The following HIVEP3 variants were observed in gnomAD, a reference collection of about 807,000 sequenced individuals.
HIVEP3 encodes HIVEP zinc finger 3.
Under a neutral mutation model 152.8 loss-of-function variants are expected in HIVEP3, and 49 were observed. The ratio of observed to expected loss-of-function variants is 0.32; its 90% CI spans 0.26 to 0.41. The LOEUF is 0.41. Ranked by LOEUF, HIVEP3 falls within the 10% of genes least tolerant of loss-of-function variation. The pLI is 1.00. For synonymous variants in HIVEP3, 1,269 were observed against 1,289.0 expected (o/e 0.98, Z 0.33); for missense variants, 2,790 against 3,103.3 (o/e 0.90, Z 2.40).
At chr1:41,932,960 C>A (rs1645002708) in intron 1 of HIVEP3, among the ~76,000 whole-genome samples, 1 of 151,868 alleles carries the variant, frequency 6.6e-6, no homozygotes, top group South Asian at 2.1e-4. Context: ...GTTGTTTCAT[C>A]TCCATACATT....
At position 41,510,489 on chromosome 1, in the gene HIVEP3, GA is replaced by G; in HGVS notation, c.7182del (p.Pro2395HisfsTer87). On this transcript the variant is annotated frameshift_variant, in exon 9 of 9. Transcript: ENST00000372583. LOFTEE classifies it high-confidence loss of function. ...KPSGSGEPRA[H>X]PHQPEDRVPP... is the part of the protein sequence containing the mutation. ...GGAACCCTGTCCTCAGGCTGATGTG[GA>G]TGTGCCCTGGGCTCCCCACTTCCTG... 6.3e-7 allele frequency: 1 copy of G among 1,577,404 alleles called. No homozygotes were observed. The highest frequency in any genetic ancestry group is 2.3e-5 in the East Asian group (1 of 43,548).
chr1:41,556,325 G>A (rs1558057592), intron 5 of HIVEP3, among the ~76,000 whole-genome samples: 2 of 152,146 alleles, frequency 1.3e-5, no homozygotes, highest in Non-Finnish European at 2.9e-5. Context: ...CCTCCTAGAG[G>A]GTGTGAAGTA....
At chr1:41,962,132 G>A (rs1465174345) in intron 1 of HIVEP3, among the ~76,000 whole-genome samples, 1 of 152,222 alleles carries the variant, frequency 6.6e-6, no homozygotes, top group African/African-American at 2.4e-5. Flanking sequence ...AAAGCTTCAA[G>A]AGATTCACTT....
chr1:41,751,891 C>T (rs1478820448), intron 1 of HIVEP3, among the ~76,000 whole-genome samples: 2 of 152,144 alleles, frequency 1.3e-5, no homozygotes, highest in African/African-American at 4.8e-5. Flanking sequence ...AGGGAGTTGT[C>T]CAAAGCCTGT....
chr1:41,940,099 CTT>C, intron 1 of HIVEP3, among the ~76,000 whole-genome samples: 1 of 152,212 alleles, frequency 6.6e-6, no homozygotes, highest in East Asian at 1.9e-4. Context: ...ATGTAAAATA[CTT>C]TGTTTTATTC....
chr1:41,545,408 T>C (rs1274299866), intron 5 of HIVEP3, among the ~76,000 whole-genome samples: 21 of 87,560 alleles, frequency 2.4e-4, no homozygotes, highest in South Asian at 1.0e-3. Context: ...CTACCACCAA[T>C]ACCACCATCG....
chr1:41,624,178 C>T (rs1415773821), intron 3 of HIVEP3, among the ~76,000 whole-genome samples: 1 of 152,166 alleles, frequency 6.6e-6, no homozygotes, highest in Non-Finnish European at 1.5e-5. Flanking sequence ...CTCCTTCCTC[C>T]TCTGCCTCCA....
At chr1:41,603,253 C>G (rs935635580) in intron 3 of HIVEP3, among the ~76,000 whole-genome samples, 3 of 151,754 alleles carry the variant, frequency 2.0e-5, no homozygotes, top group African/African-American at 7.3e-5. Context: ...TCTTTAGTAG[C>G]GATGTGGTTT....
chr1:42,030,217 C>T (rs778286841), intron 1 of HIVEP3, among the ~76,000 whole-genome samples: 8 of 152,122 alleles, frequency 5.3e-5, no homozygotes, highest in East Asian at 1.9e-4. Flanking sequence ...CAACAGAATT[C>T]GTAAACTTTC....
In HIVEP3 at chr1:41,582,643, T is replaced by G. The variant is rs1644432746; in HGVS notation, c.2155A>C (p.Lys719Gln). 1 of 1,614,106 alleles carries G rather than the reference T, an allele frequency of 6.2e-7. No homozygotes were observed. Among genetic ancestry groups the G allele is most frequent in the Admixed American group, 1.7e-5 (1 of 60,010 alleles). Reference protein sequence around the residue: ...LTPLRKRRKEKSLGDEEEPPA... With the variant: ...LTPLRKRRKEQSLGDEEEPPA... The stretch of plus-strand genomic sequence containing the variant: ...GGCTCTTCCTCGTCCCCAAGGCTCT[T>G]CTCTTTCCTCCTCTTCCTCAGTGGA... The change falls in exon 4 of 9, where the codon AAG (lysine) becomes CAG (glutamine). Residue 719 changes from lysine (K) to glutamine (Q), a missense_variant. This residue lies in a region of HIVEP3 where 339 missense variants were observed against 327.0 expected (regional missense o/e 1.04). Coordinates refer to ENST00000372583, the MANE Select transcript of HIVEP3 (RefSeq NM_024503.5). The surrounding 1 kb of genome is among the most constrained non-coding windows in gnomAD (Gnocchi z 4.7).
intron 1 of HIVEP3, among the ~76,000 whole-genome samples, chr1:41,865,359 C>T (rs1481135787): frequency 2.0e-5 from 3 of 152,162 alleles, no homozygotes; most frequent in Non-Finnish European, 4.4e-5. Context: ...CCACCTCTGG[C>T]GGTGATAGCA....
intron 1 of HIVEP3, among the ~76,000 whole-genome samples, chr1:41,767,148 A>T (rs1428378419): frequency 6.6e-6 from 1 of 152,024 alleles, no homozygotes; most frequent in African/African-American, 2.4e-5. Flanking sequence ...ATCTCATCAA[A>T]TGCATCATCT....
At chr1:41,755,116 T>C (rs866217610) in intron 1 of HIVEP3, among the ~76,000 whole-genome samples, 18 of 152,340 alleles carry the variant, frequency 1.2e-4, no homozygotes, top group African/African-American at 3.6e-4. Context: ...CATAGGTCAC[T>C]GGAAACAAAT....
chr1:41,513,948 C>T (rs1245647621), intron 7 of HIVEP3, among the ~76,000 whole-genome samples, 198 bp from the exon 8 acceptor site: 2 of 152,166 alleles, frequency 1.3e-5, no homozygotes, highest in Non-Finnish European at 2.9e-5. Context: ...ACAATAATTC[C>T]CTTATGCCTA....
chr1:41,731,702 C>T (rs1209874841), intron 1 of HIVEP3, among the ~76,000 whole-genome samples: 1 of 152,198 alleles, frequency 6.6e-6, no homozygotes, highest in Non-Finnish European at 1.5e-5. Flanking sequence ...CATGCCAAGC[C>T]TGTGAGGGAG....
At chr1:41,893,481 C>T (rs1489994932) in intron 1 of HIVEP3, among the ~76,000 whole-genome samples, 1 of 152,126 alleles carries the variant, frequency 6.6e-6, no homozygotes, top group Non-Finnish European at 1.5e-5. Flanking sequence ...ACCTAGTGGG[C>T]CCTGGTAGAG....
intron 1 of HIVEP3, among the ~76,000 whole-genome samples, chr1:41,968,890 T>A (rs565602457): frequency 9.9e-4 from 151 of 152,070 alleles, no homozygotes; most frequent in Non-Finnish European, 1.7e-3. Flanking sequence ...TGTGCAAAAA[T>A]CACAAGCATT....
At position 41,510,126 on chromosome 1, in the gene HIVEP3, GC is replaced by G. The variant is rs1198148378; in HGVS notation, c.*324del. On this transcript the variant is annotated 3_prime_UTR_variant, in exon 9 of 9. Transcript: ENST00000372583. ...CTGCCAGCCTCTGGGGTGGGTGGCT[GC>G]CAACCACAGCGGGGAGGGTCAGGAG... is the stretch of plus-strand genomic sequence containing the variant. 1 of 238,176 alleles carries G rather than the reference GC, an allele frequency of 4.2e-6. No individual in the cohort carries two copies. The highest frequency in any genetic ancestry group is 8.0e-6 in the Non-Finnish European group (1 of 125,346). The allele number at this position is 238,176 out of a possible 1,614,324, so 14.8% of individuals were successfully genotyped here. A position where few individuals can be genotyped will look rare whatever the true frequency, so the allele number is the denominator to read the frequency against.
intron 1 of HIVEP3, among the ~76,000 whole-genome samples, chr1:41,924,208 T>C (rs1196802192): frequency 6.6e-6 from 1 of 152,118 alleles, no homozygotes; most frequent in Non-Finnish European, 1.5e-5. Flanking sequence ...AGCCAAGGAA[T>C]GCCAGAGGCC....
Sources: allele counts gnomAD v4.1 joint callset (sites outside exome capture counted in the v4.1 genomes callset), GRCh38; gene constraint gnomAD v4.1.1; regional missense constraint gnomAD v4.1.1; non-coding constraint Gnocchi (gnomAD v3.1); transcripts MANE v1.5; gene names NCBI Gene and HGNC (gene_info 2026-07-23, HGNC 2026-07-21).